The following CTNND2 variants were observed in gnomAD, a reference collection of about 807,000 sequenced individuals.
CTNND2 encodes the protein catenin delta-2.
Under a neutral mutation model 144.4 loss-of-function variants are expected in CTNND2, and 22 were observed. That is an observed-to-expected ratio of 0.15 (90% CI 0.11 to 0.22). CTNND2 has a LOEUF of 0.22. Among genes scored for constraint, CTNND2 ranks in the 10% least tolerant of loss-of-function variants. The pLI is 1.00. For synonymous variants in CTNND2, 751 were observed against 695.6 expected (o/e 1.08, Z -1.25); for missense variants, 1,353 against 1,618.8 (o/e 0.84, Z 2.82).
intron 9 of CTNND2, among the ~76,000 whole-genome samples, chr5:11,340,354 A>G (rs1206546830): frequency 6.6e-6 from 1 of 152,150 alleles, no homozygotes; most frequent in Non-Finnish European, 1.5e-5. Flanking sequence ...GATCTGCAGC[A>G]CCCACTCTGG....
intron 18 of CTNND2, among the ~76,000 whole-genome samples, chr5:10,996,038 C>T (rs556828081): frequency 4.5e-4 from 69 of 152,118 alleles, no homozygotes; most frequent in African/African-American, 1.6e-3. Context: ...GGGTGGGGAG[C>T]GAGCTGACTG....
At chr5:11,568,322 C>A (rs1368078493) in intron 2 of CTNND2, among the ~76,000 whole-genome samples, 1 of 152,160 alleles carries the variant, frequency 6.6e-6, no homozygotes, top group African/African-American at 2.4e-5. Context: ...ACTACTGAGA[C>A]CCTGCTAGGC....
chr5:10,972,833 A>G lies in CTNND2; in HGVS notation c.*620T>C. The G allele has an allele frequency of 6.6e-6, 1 of 152,246 alleles. No individual in the cohort carries two copies. Among genetic ancestry groups the G allele is most frequent in the South Asian group, 2.1e-4 (1 of 4,822 alleles). 9.4% of individuals were successfully genotyped at this position (152,246 alleles called of 1,614,324 possible). On this transcript the variant is annotated 3_prime_UTR_variant, in exon 22 of 22. Transcript: ENST00000304623. ...GAAAGTAAAGAAAAACTGGAAATCC[A>G]TACATCTTTCAAAAGTTTGAAATTG...
intron 1 of CTNND2, among the ~76,000 whole-genome samples, chr5:11,774,844 T>G (rs1053601605): frequency 2.0e-5 from 3 of 152,196 alleles, no homozygotes; most frequent in Non-Finnish European, 4.4e-5. Context: ...TAACTGAGCT[T>G]GTCTGCATAT....
At chr5:10,998,113 A>G (rs1739544315) in intron 18 of CTNND2, among the ~76,000 whole-genome samples, 1 of 152,244 alleles carries the variant, frequency 6.6e-6, no homozygotes, top group Non-Finnish European at 1.5e-5. Context: ...ATATGGATGC[A>G]CTCAAAAAAT....
chr5:11,511,127 T>C (rs946708730), intron 3 of CTNND2, among the ~76,000 whole-genome samples: 1 of 152,212 alleles, frequency 6.6e-6, no homozygotes, highest in Admixed American at 6.5e-5. Context: ...TGTTGTCTTG[T>C]TGAGAGTTGA....
At chr5:11,183,643 C>T (rs1009573377) in intron 11 of CTNND2, among the ~76,000 whole-genome samples, 5 of 151,790 alleles carry the variant, frequency 3.3e-5, no homozygotes, top group African/African-American at 7.3e-5. Flanking sequence ...CTGCAACCTC[C>T]GCCTCCTGGG....
intron 11 of CTNND2, among the ~76,000 whole-genome samples, chr5:11,197,019 C>T (rs541869740): frequency 6.6e-6 from 1 of 152,302 alleles, no homozygotes; most frequent in South Asian, 2.1e-4. Context: ...CCTCAGGTTT[C>T]TGTCAGTAAG....
chr5:11,801,345 C>A (rs1030887005), intron 1 of CTNND2, among the ~76,000 whole-genome samples: 2 of 152,182 alleles, frequency 1.3e-5, no homozygotes, highest in Non-Finnish European at 2.9e-5. Flanking sequence ...GAGCATCCGA[C>A]TGATGATACA....
At chr5:11,164,843 A>G (rs1759145686) in intron 11 of CTNND2, among the ~76,000 whole-genome samples, 1 of 152,196 alleles carries the variant, frequency 6.6e-6, no homozygotes, top group Non-Finnish European at 1.5e-5. Flanking sequence ...TCATTCTGTC[A>G]TTTGATCACT....
intron 2 of CTNND2, among the ~76,000 whole-genome samples, chr5:11,731,471 T>C (rs1787385672): frequency 6.6e-6 from 1 of 152,208 alleles, no homozygotes; most frequent in African/African-American, 2.4e-5. Context: ...TTCTAGCACA[T>C]GTTTAGAAGA....
chr5:11,115,180 A>G (rs1753419307), intron 13 of CTNND2, among the ~76,000 whole-genome samples: 2 of 152,180 alleles, frequency 1.3e-5, no homozygotes, highest in Admixed American at 1.3e-4. Flanking sequence ...TTTTGGGGAA[A>G]ATGTGGACAT....
intron 9 of CTNND2, among the ~76,000 whole-genome samples, chr5:11,295,367 T>C (rs886378378): frequency 7.2e-5 from 11 of 152,166 alleles, no homozygotes; most frequent in Non-Finnish European, 1.2e-4. Context: ...TCCGTGTTCA[T>C]GGGTAGGAAG....
At chr5:11,740,552 A>C (rs1787942853) in intron 1 of CTNND2, among the ~76,000 whole-genome samples, 1 of 152,214 alleles carries the variant, frequency 6.6e-6, no homozygotes, top group South Asian at 2.1e-4. Flanking sequence ...AGATAGATTA[A>C]AGACTTGAAT....
intron 16 of CTNND2, among the ~76,000 whole-genome samples, chr5:11,045,252 T>C (rs930781194): frequency 1.3e-5 from 2 of 152,040 alleles, no homozygotes; most frequent in East Asian, 1.9e-4. Flanking sequence ...AGGCTGTACA[T>C]AAAGCATGGT....
chr5:11,528,492 T>C (rs1773465360), intron 3 of CTNND2, among the ~76,000 whole-genome samples: 1 of 152,096 alleles, frequency 6.6e-6, no homozygotes, highest in Admixed American at 6.5e-5. Context: ...AAAGTCAAAG[T>C]AATTGAAATA....
At chr5:11,424,503 CTG>C (rs1326392343) in intron 3 of CTNND2, among the ~76,000 whole-genome samples, 1 of 151,826 alleles carries the variant, frequency 6.6e-6, no homozygotes, top group Non-Finnish European at 1.5e-5. Flanking sequence ...GCATATAAAA[CTG>C]GGGAAATCTG....
At chr5:11,875,946 A>G (rs1400282658) in intron 1 of CTNND2, among the ~76,000 whole-genome samples, 1 of 152,196 alleles carries the variant, frequency 6.6e-6, no homozygotes, top group East Asian at 1.9e-4. Flanking sequence ...CTTCCACACA[A>G]TCTCACAAGG....
intron 11 of CTNND2, among the ~76,000 whole-genome samples, chr5:11,174,407 AG>A (rs1261773723): frequency 6.6e-6 from 1 of 152,240 alleles, no homozygotes; most frequent in African/African-American, 2.4e-5. Context: ...TTTGGTATAA[AG>A]AAGAAAAAGC....
Sources: gnomAD v4.1 joint callset for allele counts (sites outside exome capture counted in the v4.1 genomes callset) on GRCh38, gnomAD v4.1.1 for gene constraint, MANE v1.5 for transcripts, NCBI Gene and HGNC (gene_info 2026-07-23, HGNC 2026-07-21) for gene names.